Variants in CCDC73 observed in about 807,000 individuals in gnomAD.
CCDC73 encodes the protein coiled-coil domain-containing protein 73.
A neutral mutation model predicts 116.5 loss-of-function variants in CCDC73; 95 were observed. The ratio of observed to expected loss-of-function variants is 0.82; its 90% CI spans 0.69 to 0.97. The LOEUF (loss-of-function observed/expected upper bound fraction) is 0.97. Among genes scored for constraint, CCDC73 ranks in the 50% least tolerant of loss-of-function variants. The pLI, the probability that CCDC73 is intolerant of heterozygous loss-of-function variation, is 0.00. For synonymous variants in CCDC73, 398 were observed against 401.3 expected (o/e 0.99, Z 0.10); for missense variants, 1,066 against 1,206.8 (o/e 0.88, Z 1.73).
Position 32,620,242 on chromosome 11 carries a change from G to C in CCDC73, c.1186-4113C>G, listed in dbSNP as rs960390892. ...GCAGTTGGTGGCAGCTGTTGGCTGGGGTGCCTAAATTCTCTTCCAGGTGGT... is the reference window on the plus strand; with the variant it reads ...GCAGTTGGTGGCAGCTGTTGGCTGGCGTGCCTAAATTCTCTTCCAGGTGGT... On this transcript the variant is annotated intron_variant, in intron 14 of 17. Transcript: ENST00000335185. 2.0e-5 allele frequency among the ~76,000 whole-genome samples: 3 copies of C among 152,170 alleles called. No homozygotes were observed. In the South Asian group the frequency reaches 6.2e-4, roughly 32 times the overall value.
At chr11:32,706,941 C>A (rs1851528257) in intron 3 of CCDC73, among the ~76,000 whole-genome samples, 1 of 152,048 alleles carries the variant, frequency 6.6e-6, no homozygotes, top group African/African-American at 2.4e-5. Context: ...TGTTCATAAT[C>A]AGATCGTAGC....
chr11:32,644,090 G>C (rs919196971), intron 12 of CCDC73, among the ~76,000 whole-genome samples: 1 of 151,984 alleles, frequency 6.6e-6, no homozygotes, highest in Non-Finnish European at 1.5e-5. Flanking sequence ...CAACATAAAT[G>C]CTCATCAACA....
At chr11:32,638,689 G>A (rs1253647750) in intron 13 of CCDC73, among the ~76,000 whole-genome samples, 2 of 151,984 alleles carry the variant, frequency 1.3e-5, no homozygotes, top group African/African-American at 4.8e-5. Context: ...GTGTTGGCCA[G>A]GATGGTCTTG....
chr11:32,637,106 G>T (rs562792528), intron 13 of CCDC73, among the ~76,000 whole-genome samples: 1 of 132,078 alleles, frequency 7.6e-6, no homozygotes, highest in African/African-American at 2.9e-5. Flanking sequence ...TGCAACCTCC[G>T]CCTCCTGGAT....
chr11:32,671,039 A>C (rs1042837512), intron 9 of CCDC73, among the ~76,000 whole-genome samples: 1 of 152,214 alleles, frequency 6.6e-6, no homozygotes, highest in Non-Finnish European at 1.5e-5. Flanking sequence ...ATAAGCCTTT[A>C]AATATCCTGA....
At chr11:32,626,321 A>G (rs1217150652) in intron 14 of CCDC73, among the ~76,000 whole-genome samples, 3 of 152,028 alleles carry the variant, frequency 2.0e-5, no homozygotes, top group East Asian at 3.9e-4. Flanking sequence ...TCAAGGAAAT[A>G]AAAGAGGATA....
intron 12 of CCDC73, among the ~76,000 whole-genome samples, chr11:32,642,392 G>C (rs1035418090): frequency 4.6e-5 from 7 of 152,002 alleles, no homozygotes; most frequent in Admixed American, 4.6e-4. Flanking sequence ...TGAAAAGTAT[G>C]AAATGTAGCA....
the CCDC73 span, among the ~76,000 whole-genome samples, chr11:32,808,360 T>A: frequency 6.6e-6 from 1 of 152,190 alleles, no homozygotes; most frequent in Non-Finnish European, 1.5e-5. Context: ...CCATGTGGGC[T>A]GGGCGCGGTG....
chr11:32,697,243 C>T (rs1856319542), intron 6 of CCDC73, among the ~76,000 whole-genome samples: 1 of 152,022 alleles, frequency 6.6e-6, no homozygotes, highest in Non-Finnish European at 1.5e-5. Flanking sequence ...TAGGTGATTT[C>T]ACCCTAAATA....
intron 6 of CCDC73, among the ~76,000 whole-genome samples, chr11:32,695,332 G>A (rs1340240862): frequency 6.7e-6 from 1 of 148,312 alleles, no homozygotes; most frequent in African/African-American, 2.5e-5. Flanking sequence ...TCGCGCCACT[G>A]CACTCCAGCC....
the CCDC73 span, among the ~76,000 whole-genome samples, chr11:32,802,923 T>G: frequency 6.6e-6 from 1 of 151,750 alleles, no homozygotes; most frequent in Admixed American, 6.6e-5. Flanking sequence ...CAGCTAATTT[T>G]TCTTTTTTTT....
intron 2 of CCDC73, among the ~76,000 whole-genome samples, chr11:32,745,998 T>C (rs1850235580): frequency 6.6e-6 from 1 of 152,190 alleles, no homozygotes; most frequent in Admixed American, 6.5e-5. Context: ...TGCCCATTAA[T>C]TGATGTAGTT....
chr11:32,700,538 G>T (rs1293357727), intron 5 of CCDC73, among the ~76,000 whole-genome samples: 1 of 152,200 alleles, frequency 6.6e-6, no homozygotes, highest in Non-Finnish European at 1.5e-5. Flanking sequence ...TTCAAAGTGA[G>T]ACCTTTGGCA....
intron 6 of CCDC73, among the ~76,000 whole-genome samples, chr11:32,686,058 C>T (rs575980343): frequency 3.3e-5 from 5 of 151,686 alleles, no homozygotes; most frequent in South Asian, 4.2e-4. Flanking sequence ...ATTACATTCA[C>T]ATTAGAAGGG....
rs144915462 is a variant in CCDC73, at chr11:32,781,241, T to C, written c.-16+13372A>G. Among the ~76,000 whole-genome samples the C allele has an allele frequency of 7.4e-4, 113 of 152,356 alleles. 1 individual carries two copies. Among genetic ancestry groups the C allele is most frequent in the African/African-American group, 2.7e-3 (111 of 41,582 alleles). ...GGACTCAGAGTCTTCTAATTAAAGA[T>C]AGTGGATTGAACAGTGGTATTTAGT... On this transcript the variant is annotated intron_variant, in intron 1 of 17. Transcript: ENST00000335185.
intron 9 of CCDC73, among the ~76,000 whole-genome samples, chr11:32,671,227 T>C (rs1405484115): frequency 6.6e-6 from 1 of 152,144 alleles, no homozygotes. Flanking sequence ...TTAATATCAC[T>C]ATCTCCTTGA....
intron 1 of CCDC73, among the ~76,000 whole-genome samples, chr11:32,762,128 T>C (rs1431519102): frequency 2.0e-5 from 3 of 152,152 alleles, no homozygotes; most frequent in African/African-American, 7.2e-5. Context: ...AGTTGACACA[T>C]AAAATTAACA....
Position 32,614,952 on chromosome 11 carries a change from T to C in CCDC73, c.1376-10A>G, listed in dbSNP as rs1229491483. 1 of 1,553,070 alleles carries C rather than the reference T, an allele frequency of 6.4e-7. No individual in the cohort carries two copies. Among genetic ancestry groups the C allele is most frequent in the East Asian group, 2.3e-5 (1 of 44,418 alleles). On this transcript the variant is annotated splice_polypyrimidine_tract_variant and intron_variant, in intron 15 of 17. Coordinates refer to ENST00000335185, the MANE Select transcript of CCDC73 (RefSeq NM_001008391.4). ...TCAAAAAGCTGTAAATCTGTCATGA[T>C]GGGAACACAGTAAAATTTTATATTA...
chr11:32,701,617 G>A (rs1849813839), intron 4 of CCDC73, among the ~76,000 whole-genome samples: 1 of 152,108 alleles, frequency 6.6e-6, no homozygotes, highest in African/African-American at 2.4e-5. Flanking sequence ...GAGCCCTGGA[G>A]TTGGAGATTG....
Sources: gnomAD v4.1 joint callset for allele counts (sites outside exome capture counted in the v4.1 genomes callset) on GRCh38, gnomAD v4.1.1 for gene constraint, MANE v1.5 for transcripts, NCBI Gene and HGNC (gene_info 2026-07-23, HGNC 2026-07-21) for gene names.